The following MAP2K2 variants were observed in gnomAD, a reference collection of about 807,000 sequenced individuals.
MAP2K2 encodes mitogen-activated protein kinase kinase 2.
Under a neutral mutation model 43.7 loss-of-function variants are expected in MAP2K2, and 24 were observed. The ratio of observed to expected loss-of-function variants is 0.55; its 90% CI spans 0.40 to 0.77. The LOEUF (loss-of-function observed/expected upper bound fraction) is 0.77, where lower values mean the gene tolerates loss of function less well. MAP2K2 is among the 30% of genes least tolerant of loss of function. The pLI, the probability that MAP2K2 is intolerant of heterozygous loss-of-function variation, is 0.00. For missense variants in MAP2K2, 470 were observed against 566.8 expected, an observed-to-expected ratio of 0.83 and a Z score of 1.73; for synonymous variants, 244 against 239.7, an observed-to-expected ratio of 1.02 and a Z score of -0.17.
chr19:4,118,564 G>C (rs1195228829), intron 1 of MAP2K2, among the ~76,000 whole-genome samples: 2 of 152,122 alleles, frequency 1.3e-5, no homozygotes, highest in South Asian at 4.1e-4. Flanking sequence ...GGGCAGCAGA[G>C]GGAGGCTCTG....
chr19:4,100,682 T>G, intron 6 of MAP2K2: 3 of 361,788 alleles, frequency 8.3e-6, no homozygotes, highest in African/African-American at 4.1e-5. Context: ...AAATAAAAAA[T>G]AAAGAGCAAG....
At chr19:4,114,247 C>T (rs1216667881) in intron 2 of MAP2K2, among the ~76,000 whole-genome samples, 1 of 152,176 alleles carries the variant, frequency 6.6e-6, no homozygotes, top group South Asian at 2.1e-4. Context: ...CAAGAGGGTT[C>T]GAATCCGATT....
At chr19:4,093,711 T>G (rs1472568443) in intron 10 of MAP2K2, among the ~76,000 whole-genome samples, 2 of 152,104 alleles carry the variant, frequency 1.3e-5, no homozygotes, top group South Asian at 2.1e-4. Flanking sequence ...AAAACAAAAC[T>G]GAAAGCCACA....
At chr19:4,118,893 C>G (rs1439949644) in intron 1 of MAP2K2, among the ~76,000 whole-genome samples, 1 of 152,218 alleles carries the variant, frequency 6.6e-6, no homozygotes, top group Non-Finnish European at 1.5e-5. Context: ...TCACAAATGC[C>G]TTGACTCAGA....
chr19:4,099,582 T>C, intron 6 of MAP2K2, 168 bp from the exon 7 acceptor site: 1 of 631,700 alleles, frequency 1.6e-6, no homozygotes, highest in Admixed American at 2.7e-5. Context: ...ACCCAGGGCC[T>C]CCCTGCGGCA....
intron 2 of MAP2K2, among the ~76,000 whole-genome samples, chr19:4,113,671 T>G (rs920483633): frequency 6.6e-6 from 1 of 152,142 alleles, no homozygotes; most frequent in African/African-American, 2.4e-5. Context: ...TGATTAAATG[T>G]GGATGGTGTC....
chr19:4,107,249 C>G (rs925228425), intron 3 of MAP2K2, among the ~76,000 whole-genome samples: 1 of 151,684 alleles, frequency 6.6e-6, no homozygotes, highest in Non-Finnish European at 1.5e-5. Flanking sequence ...ACTTGCCGGG[C>G]GCGGTGGCTC....
intron 7 of MAP2K2, 147 bp downstream of exon 7, chr19:4,099,054 T>C (rs770720086): frequency 1.3e-5 from 9 of 687,804 alleles, no homozygotes; most frequent in Non-Finnish European, 2.0e-5. Context: ...CCCAGGACCA[T>C]GGGAGGACTG....
chr19:4,094,885 C>T (rs918188550), intron 9 of MAP2K2: 9 of 397,122 alleles, frequency 2.3e-5, no homozygotes, highest in Middle Eastern at 7.0e-4. Context: ...TGCCGTTCCA[C>T]GGCGTCCCGA....
intron 3 of MAP2K2, chr19:4,102,801 A>C: frequency 2.4e-6 from 3 of 1,237,954 alleles, no homozygotes; most frequent in Non-Finnish European, 2.1e-6. Flanking sequence ...TGGGGCCCGC[A>C]CTCCCTGCAG....
At chr19:4,116,639 T>A (rs1328018569) in intron 2 of MAP2K2, among the ~76,000 whole-genome samples, 1 of 152,154 alleles carries the variant, frequency 6.6e-6, no homozygotes, top group Non-Finnish European at 1.5e-5. Context: ...CAGGCTCCCA[T>A]GCTCTGTACA....
chr19:4,094,906 A>G (rs1195032208), intron 9 of MAP2K2: 6 of 387,276 alleles, frequency 1.5e-5, no homozygotes, highest in East Asian at 4.3e-5. Context: ...GCTCACACAC[A>G]TGGACCGGCC....
chr19:4,113,308 G>A (rs574267883), intron 2 of MAP2K2, among the ~76,000 whole-genome samples: 60 of 152,274 alleles, frequency 3.9e-4, no homozygotes, highest in African/African-American at 1.4e-3. Flanking sequence ...CGGCTGCGGC[G>A]TGATCTCAGT....
intron 4 of MAP2K2, among the ~76,000 whole-genome samples, chr19:4,102,062 T>C (rs1172642119): frequency 6.6e-6 from 1 of 152,146 alleles, no homozygotes; most frequent in Non-Finnish European, 1.5e-5. Flanking sequence ...AACAAGCTCC[T>C]GTCCCCTGCA....
intron 3 of MAP2K2, chr19:4,102,903 G>A (rs564311843): frequency 3.5e-6 from 4 of 1,155,672 alleles, no homozygotes; most frequent in Non-Finnish European, 4.3e-6. Flanking sequence ...CACACGAAGG[G>A]AAGGGGAGGG....
At position 4,095,337 on chromosome 19, in the gene MAP2K2, G is replaced by T. The variant is rs757004075; in HGVS notation, c.1046+51C>A. 4.0e-6 allele frequency: 6 copies of T among 1,513,356 alleles called. No individual in the cohort carries two copies. In the African/African-American group the frequency reaches 8.3e-5, roughly 21 times the overall value. The allele number at this position is 1,513,356 out of a possible 1,614,324, so 93.7% of individuals were successfully genotyped here. A position where few individuals can be genotyped will look rare whatever the true frequency, so the allele number is the denominator to read the frequency against. On this transcript the variant is annotated intron_variant, in intron 9 of 10. Coordinates refer to ENST00000262948, the MANE Select transcript of MAP2K2 (RefSeq NM_030662.4). ...GGGCCCCACCCAGGACCCGGAAGGA[G>T]TGGCACATCTGGGTCCCGGCCAGGG...
chr19:4,114,273 C>A (rs1049116394), intron 2 of MAP2K2, among the ~76,000 whole-genome samples: 3 of 152,202 alleles, frequency 2.0e-5, no homozygotes, highest in Non-Finnish European at 2.9e-5. Context: ...ACTGACCCCA[C>A]ACAGCCTCGG....
chr19:4,117,925 C>G (rs546220264), intron 1 of MAP2K2, among the ~76,000 whole-genome samples: 1 of 152,034 alleles, frequency 6.6e-6, no homozygotes, highest in Non-Finnish European at 1.5e-5. Context: ...AGGAAGCCTC[C>G]GTCTTTTTCT....
chr19:4,121,730 G>A (rs374874759), intron 1 of MAP2K2, among the ~76,000 whole-genome samples: 6 of 103,452 alleles, frequency 5.8e-5, no homozygotes, highest in African/African-American at 1.9e-4. Flanking sequence ...TCTGGAACCC[G>A]CTAGAACTCC....
Sources: gnomAD v4.1 joint callset for allele counts (sites outside exome capture counted in the v4.1 genomes callset) on GRCh38, gnomAD v4.1.1 for gene constraint, MANE v1.5 for transcripts, NCBI Gene and HGNC (gene_info 2026-07-23, HGNC 2026-07-21) for gene names.